The following SH2D5 variants were observed in gnomAD, a reference collection of about 807,000 sequenced individuals.
SH2D5 encodes SH2 domain containing 5.
Under a neutral mutation model 48.2 loss-of-function variants are expected in SH2D5, and 45 were observed. The ratio of observed to expected loss-of-function variants is 0.93; its 90% confidence interval spans 0.73 to 1.20. SH2D5 has a LOEUF of 1.20. Ranked by LOEUF, SH2D5 falls within the 50% of genes most tolerant of loss-of-function variation. SH2D5 has a pLI of 0.00. For synonymous variants in SH2D5, 230 were observed against 249.8 expected (o/e 0.92, Z 0.75); for missense variants, 538 against 584.1 (o/e 0.92, Z 0.81).
intron 4 of SH2D5, 138 bp from the exon 5 acceptor site, chr1:20,726,204 T>G: frequency 1.5e-5 from 16 of 1,099,030 alleles, no homozygotes; most frequent in Non-Finnish European, 2.0e-5. Flanking sequence ...ACATGGGCCC[T>G]GGGGCTTAAG....
chr1:20,725,856 C>A, intron 5 of SH2D5, 64 bp downstream of exon 5: 8 of 1,588,548 alleles, frequency 5.0e-6, no homozygotes, highest in Non-Finnish European at 6.8e-6. Context: ...AGGAACCCAC[C>A]CTGATGCCTG....
chr1:20,725,862 G>A lies in SH2D5; in HGVS notation c.390+58C>T, dbSNP rs2054786785. ...AAGCCCTCAAGGAACCCACCCTGAT[G>A]CCTGGCGCACAGCCCCTCCGGCCTC... On this transcript the variant is annotated intron_variant, in intron 5 of 9. Coordinates refer to ENST00000444387, the MANE Select transcript of SH2D5 (RefSeq NM_001103161.2). 6 of 1,593,556 alleles carry A rather than the reference G, an allele frequency of 3.8e-6. No homozygotes were observed. In the South Asian group the frequency reaches 6.9e-5, roughly 18 times the overall value.
intron 4 of SH2D5, among the ~76,000 whole-genome samples, chr1:20,726,788 G>C (rs892922587): frequency 6.6e-6 from 1 of 152,086 alleles, no homozygotes; most frequent in Non-Finnish European, 1.5e-5. Context: ...GGAGGCCCAG[G>C]GGTGGGAAGC....
intron 1 of SH2D5, chr1:20,730,704 A>C (rs1358875370): frequency 6.6e-6 from 1 of 152,330 alleles, no homozygotes; most frequent in Non-Finnish European, 1.5e-5. Context: ...GACATTACCC[A>C]ATTCCAGGCA....
In SH2D5 at chr1:20,726,988, C is replaced by T. The variant is rs775116397; in HGVS notation, c.243+13G>A. On this transcript the variant is annotated intron_variant, in intron 4 of 9. Transcript: ENST00000444387. ...CCCCTCCAGTCCTCACCTGCACCCACAGGGGTTCCTACCTCACCCTCCCCG... is the reference window on the plus strand; with the variant it reads ...CCCCTCCAGTCCTCACCTGCACCCATAGGGGTTCCTACCTCACCCTCCCCG... 14 of 1,606,280 alleles carry T rather than the reference C, an allele frequency of 8.7e-6. No individual in the cohort carries two copies. In the Admixed American group the frequency reaches 1.7e-4, roughly 19 times the overall value.
rs1240826555 is a variant in SH2D5, at chr1:20,723,749, C to T, written c.800-15G>A. The T allele has an allele frequency of 7.5e-6, 12 of 1,605,802 alleles. 1 individual carries two copies. The South Asian group carries it at 1.3e-4, about 18-fold the overall frequency. ...TGCGGCAGGAACTGTGGAGACCATCCAGGAGTCAGAAGGAGAGTGGCCGAG... is the reference window on the plus strand; with the variant it reads ...TGCGGCAGGAACTGTGGAGACCATCTAGGAGTCAGAAGGAGAGTGGCCGAG... On this transcript the variant is annotated splice_polypyrimidine_tract_variant and intron_variant, in intron 7 of 9. Coordinates refer to ENST00000444387, the MANE Select transcript of SH2D5 (RefSeq NM_001103161.2).
Position 20,721,765 on chromosome 1 carries a change from G to T in SH2D5, c.*27C>A. On this transcript the variant is annotated 3_prime_UTR_variant, in exon 10 of 10. Coordinates refer to ENST00000444387, the MANE Select transcript of SH2D5 (RefSeq NM_001103161.2). ...GGGGCCCAGGAGCCGGGGTGAGGCGGGGCCTGTGGGACCGGGGCCCTACCT... is the reference window on the plus strand; with the variant it reads ...GGGGCCCAGGAGCCGGGGTGAGGCGTGGCCTGTGGGACCGGGGCCCTACCT... 1 of 1,491,098 alleles carries T rather than the reference G, an allele frequency of 6.7e-7. No homozygotes were observed. The highest frequency in any genetic ancestry group is 9.0e-7 in the Non-Finnish European group (1 of 1,114,346). 92.4% of individuals were successfully genotyped at this position (1,491,098 alleles called of 1,614,324 possible).
At chr1:20,723,837 T>C (rs1322034797) in intron 7 of SH2D5, 103 bp from the exon 8 acceptor site, 1 of 1,060,850 alleles carries the variant, frequency 9.4e-7, no homozygotes, top group East Asian at 2.6e-5. Flanking sequence ...CAAGCCTCTC[T>C]ACCCTGCTCA....
Position 20,721,852 on chromosome 1 carries a change from G to C in SH2D5, c.1212C>G (p.Pro404=). The change falls in exon 10 of 10, where the codon CCC becomes CCG. Residue 404 remains proline (P), a synonymous_variant. Coordinates refer to ENST00000444387, the MANE Select transcript of SH2D5 (RefSeq NM_001103161.2). ...CATGGCTGAGGGGCCGGAGAGTCCG[G>C]GGCGGCCTGCCTGGGGGCCCACAGT... The part of the protein sequence containing the change: ...EQDCGPPGRP[P]RTLRPLSHAK... 1 of 1,611,948 alleles carries C rather than the reference G, an allele frequency of 6.2e-7. No homozygotes were observed. Among genetic ancestry groups the C allele is most frequent in the Admixed American group, 1.7e-5 (1 of 59,906 alleles).
Position 20,722,807 on chromosome 1 carries a change from G to A in SH2D5, c.1017C>T (p.Gly339=), listed in dbSNP as rs371728892. 46 of 1,595,690 alleles carry A rather than the reference G, an allele frequency of 2.9e-5. No individual in the cohort carries two copies. Among genetic ancestry groups the A allele is most frequent in the East Asian group, 9.2e-5 (4 of 43,606 alleles). ...QWCLSVRTQC[G]VVPHQVFRNH... is the part of the protein sequence containing the mutation. ...TCCGGAAGACCTGGTGGGGCACCACGCCGCACTGCGTGCGCACGGACAGAC... is the reference window on the plus strand; with the variant it reads ...TCCGGAAGACCTGGTGGGGCACCACACCGCACTGCGTGCGCACGGACAGAC... The change falls in exon 9 of 10, where the codon GGC becomes GGT. Residue 339 remains glycine, a synonymous_variant. Transcript: ENST00000444387.
intron 8 of SH2D5, among the ~76,000 whole-genome samples, 169 bp downstream of exon 8, chr1:20,723,457 A>G (rs902725636): frequency 6.6e-6 from 1 of 152,146 alleles, no homozygotes; most frequent in Non-Finnish European, 1.5e-5. Flanking sequence ...ACCCCATTTT[A>G]CCTTAGAGAA....
At chr1:20,727,735 C>T (rs944125299) in intron 2 of SH2D5, 132 bp from the exon 3 acceptor site, 24 of 979,740 alleles carry the variant, frequency 2.4e-5, no homozygotes, top group Middle Eastern at 4.3e-4. Context: ...GCTCGATTCT[C>T]GGAGCCCAGG....
At chr1:20,726,180 A>G in intron 4 of SH2D5, 114 bp from the exon 5 acceptor site, 1 of 1,308,548 alleles carries the variant, frequency 7.6e-7, no homozygotes, top group Non-Finnish European at 1.0e-6. Context: ...CCCAGTCTCA[A>G]GCCCTCATCC....
chr1:20,727,150 C>T, intron 3 of SH2D5, 75 bp from the exon 4 acceptor site: 3 of 1,302,674 alleles, frequency 2.3e-6, no homozygotes, highest in African/African-American at 1.5e-5. Flanking sequence ...TCAGGACCAT[C>T]CACCAAAGGC....
At position 20,727,053 on chromosome 1, in the gene SH2D5, A is replaced by G; in HGVS notation, c.191T>C (p.Val64Ala). The change falls in exon 4 of 10, where the codon GTC becomes GCC. Residue 64 changes from valine (V) to alanine (A), a missense_variant. Coordinates refer to ENST00000444387, the MANE Select transcript of SH2D5 (RefSeq NM_001103161.2). ...ALKDCPRRRA[V>A]ILKFSLQGLK... ...ACCCTGAAGGCTGAATTTCAGGATG[A>G]CGGCCCGGCGTCGGGGACAGTCCTG... The G allele has an allele frequency of 1.2e-6, 2 of 1,611,960 alleles. No homozygotes were observed. Among genetic ancestry groups the G allele is most frequent in the African/African-American group, 2.7e-5 (2 of 74,976 alleles).
chr1:20,724,559 T>C lies in SH2D5; in HGVS notation c.467A>G (p.Gln156Arg), dbSNP rs1467260488. The change falls in exon 6 of 10, where the codon CAG (glutamine) becomes CGG (arginine). Residue 156 changes from glutamine (Q) to arginine (R), a missense_variant. Gln to Arg is a conservative substitution (Grantham distance 43, BLOSUM62 1). Transcript: ENST00000444387. ...TGTGGGCCCTGGGCAGGGCTCTGGC[T>C]GTGCCCGCTCCTCAGGGTGCTGCAA... is the stretch of plus-strand genomic sequence containing the variant. ...YLLQHPEERA[Q>R]PEPCPGPTGE... The C allele has an allele frequency of 3.1e-6, 5 of 1,600,996 alleles. No individual in the cohort carries two copies. In the Middle Eastern group the frequency reaches 5.0e-4, roughly 159 times the overall value.
In SH2D5 at chr1:20,722,877, C is replaced by T. The variant is rs1442526013; in HGVS notation, c.947G>A (p.Gly316Glu). The T allele has an allele frequency of 1.2e-6, 2 of 1,604,558 alleles. No homozygotes were observed. The highest frequency in any genetic ancestry group is 8.5e-7 in the Non-Finnish European group (1 of 1,176,074). ...ALALLRRDVL[G>E]AFLLWPELGA... ...CAGCTCAGGCCACAGCAGGAAGGCC[C>T]CCAGCACGTCTCTCCGCAACAGGGC... Residue 316 changes from glycine (G) to glutamate (E), a missense_variant, in exon 9 of 10, where the codon GGG (glycine) becomes GAG (glutamate). Coordinates refer to ENST00000444387, the MANE Select transcript of SH2D5 (RefSeq NM_001103161.2).
intron 9 of SH2D5, among the ~76,000 whole-genome samples, chr1:20,722,282 T>G (rs920185634): frequency 4.6e-5 from 7 of 152,146 alleles, no homozygotes; most frequent in Non-Finnish European, 1.0e-4. Context: ...CACTGGAGAC[T>G]CAGGCTGTTG....
chr1:20,727,921 C>A (rs2054834224), intron 2 of SH2D5, 37 bp downstream of exon 2: 2 of 1,475,418 alleles, frequency 1.4e-6, no homozygotes. Context: ...TGAGGGCCAC[C>A]CACCAGAGCA....
Sources: allele counts gnomAD v4.1 joint callset (sites outside exome capture counted in the v4.1 genomes callset), GRCh38; gene constraint gnomAD v4.1.1; transcripts MANE v1.5; gene names NCBI Gene and HGNC (gene_info 2026-07-23, HGNC 2026-07-21).